Variants in PPP2R2B observed in about 807,000 individuals in gnomAD.
The protein encoded by PPP2R2B is protein phosphatase 2 regulatory subunit Bbeta.
A neutral mutation model predicts 46.0 loss-of-function variants in PPP2R2B; 5 were observed. The ratio of observed to expected loss-of-function variants is 0.11; its 90% CI spans 0.06 to 0.23. PPP2R2B has a LOEUF of 0.23. PPP2R2B is among the 10% of genes least tolerant of loss of function. PPP2R2B has a pLI of 1.00. For synonymous variants in PPP2R2B, 215 were observed against 206.7 expected, an observed-to-expected ratio of 1.04 and a Z score of -0.34; for missense variants, 367 against 575.0, an observed-to-expected ratio of 0.64 and a Z score of 3.70.
chr5:146,953,444 A>T (rs867043451), intron 1 of PPP2R2B, among the ~76,000 whole-genome samples: 1 of 152,168 alleles, frequency 6.6e-6, no homozygotes, highest in East Asian at 1.9e-4. Flanking sequence ...GCCATATATT[A>T]CTATAGAACA....
At chr5:147,053,640 G>A (rs1454620803) in intron 1 of PPP2R2B, among the ~76,000 whole-genome samples, 1 of 151,880 alleles carries the variant, frequency 6.6e-6, no homozygotes, top group African/African-American at 2.4e-5. Flanking sequence ...AGTTTCTGGT[G>A]GCAAAGTGAT....
chr5:146,909,382 C>T (rs961685463), intron 1 of PPP2R2B, among the ~76,000 whole-genome samples: 1 of 152,126 alleles, frequency 6.6e-6, no homozygotes, highest in African/African-American at 2.4e-5. Context: ...ACAATGTGAC[C>T]CTTTTCTTGT....
chr5:146,933,167 G>C (rs1238207674), intron 1 of PPP2R2B, among the ~76,000 whole-genome samples: 1 of 152,138 alleles, frequency 6.6e-6, no homozygotes, highest in Non-Finnish European at 1.5e-5. Context: ...GAGATTTCAA[G>C]TAACAGGGAT....
At chr5:146,890,589 G>C (rs989886301) in intron 1 of PPP2R2B, among the ~76,000 whole-genome samples, 1 of 152,204 alleles carries the variant, frequency 6.6e-6, no homozygotes, top group African/African-American at 2.4e-5. Context: ...ACAGAAGCCA[G>C]AATTCAAGAG....
intron 2 of PPP2R2B, among the ~76,000 whole-genome samples, chr5:146,770,854 G>A (rs12110022): frequency 0.06 from 9,102 of 152,172 alleles, 421 homozygotes; most frequent in African/African-American, 0.13. Context: ...CAGTTGCAGA[G>A]GGGATTTGCA....
Position 147,014,898 on chromosome 5 carries a change from T to A in PPP2R2B, c.79+40767A>T, listed in dbSNP as rs191880925. On this transcript the variant is annotated intron_variant, in intron 1 of 8. Coordinates refer to the PPP2R2B transcript ENST00000336640. ...TTAAAAGTATAATAAAAAATAAAAA[T>A]TAAAAAATAAAAAAAAATGAATTTC... Among the ~76,000 whole-genome samples, 80 of 151,612 alleles carry A rather than the reference T, an allele frequency of 5.3e-4. No individual in the cohort carries two copies. In the East Asian group the frequency reaches 0.013, roughly 25 times the overall value.
chr5:147,008,290 A>G (rs985513601), intron 1 of PPP2R2B, among the ~76,000 whole-genome samples: 9 of 152,188 alleles, frequency 5.9e-5, no homozygotes, highest in Admixed American at 1.3e-4. Context: ...TTAGAAAGCC[A>G]TGTGAGATGA....
chr5:146,625,442 C>T (rs1166008492), intron 7 of PPP2R2B, among the ~76,000 whole-genome samples: 3 of 152,224 alleles, frequency 2.0e-5, no homozygotes, highest in East Asian at 3.9e-4. Context: ...GATTGAATGA[C>T]TATAGTTGTT....
intron 1 of PPP2R2B, among the ~76,000 whole-genome samples, chr5:146,932,518 G>A (rs1050372505): frequency 6.6e-6 from 1 of 152,262 alleles, no homozygotes; most frequent in African/African-American, 2.4e-5. Context: ...CTGCTGCCAC[G>A]TAAGACAGGC....
intron 1 of PPP2R2B, among the ~76,000 whole-genome samples, chr5:146,957,411 A>G (rs1751961743): frequency 1.3e-5 from 2 of 152,204 alleles, no homozygotes; most frequent in Admixed American, 6.5e-5. Flanking sequence ...AGAAGTGTGT[A>G]CCATGCATAG....
At chr5:146,669,878 T>G (rs1777235590) in intron 5 of PPP2R2B, among the ~76,000 whole-genome samples, 1 of 152,206 alleles carries the variant, frequency 6.6e-6, no homozygotes. Context: ...TGGCATTTTT[T>G]TCTGGTGACG....
At chr5:146,725,070 C>T (rs1364430905) in intron 2 of PPP2R2B, among the ~76,000 whole-genome samples, 3 of 152,056 alleles carry the variant, frequency 2.0e-5, no homozygotes, top group African/African-American at 7.2e-5. Flanking sequence ...ATAGAAATTC[C>T]TCAGCAGCAT....
At chr5:146,948,593 ATAACT>A (rs1269698622) in intron 1 of PPP2R2B, among the ~76,000 whole-genome samples, 6 of 152,202 alleles carry the variant, frequency 3.9e-5, no homozygotes, top group Middle Eastern at 3.4e-3. Flanking sequence ...AAAAAAAGAA[ATAACT>A]TAATCTTTAT....
At chr5:146,725,725 A>C (rs968716082) in intron 2 of PPP2R2B, among the ~76,000 whole-genome samples, 12 of 152,148 alleles carry the variant, frequency 7.9e-5, no homozygotes, top group African/African-American at 2.9e-4. Flanking sequence ...GCCTTCTTTC[A>C]CTTGTTAAAA....
chr5:146,863,175 C>T (rs1250989945), intron 2 of PPP2R2B, among the ~76,000 whole-genome samples: 3 of 152,064 alleles, frequency 2.0e-5, no homozygotes, highest in Non-Finnish European at 2.9e-5. Flanking sequence ...CCAAAACTTT[C>T]CCTCTATATC....
At chr5:146,732,090 T>C (rs1372843121) in intron 2 of PPP2R2B, among the ~76,000 whole-genome samples, 2 of 152,142 alleles carry the variant, frequency 1.3e-5, no homozygotes, top group East Asian at 1.9e-4. Flanking sequence ...CCTGGAAAAG[T>C]CCTTGATGCT....
intron 2 of PPP2R2B, among the ~76,000 whole-genome samples, chr5:146,846,960 A>T (rs148343990): frequency 1.1e-4 from 16 of 152,366 alleles, no homozygotes; most frequent in African/African-American, 3.8e-4. Flanking sequence ...TCTCATGCAG[A>T]TCTTAGAACA....
At chr5:146,772,451 G>C (rs1050224032) in intron 2 of PPP2R2B, among the ~76,000 whole-genome samples, 2 of 146,810 alleles carry the variant, frequency 1.4e-5, no homozygotes, top group African/African-American at 5.1e-5. Context: ...TAAATACAGA[G>C]AGAAGATCCA....
At chr5:147,014,345 A>G (rs1754891234) in intron 1 of PPP2R2B, among the ~76,000 whole-genome samples, 1 of 149,762 alleles carries the variant, frequency 6.7e-6, no homozygotes, top group African/African-American at 2.5e-5. Context: ...TCAGGGATCT[A>G]GAACTGGAAA....
Sources: allele counts gnomAD v4.1 joint callset (sites outside exome capture counted in the v4.1 genomes callset), GRCh38; gene constraint gnomAD v4.1.1; transcripts MANE v1.5; gene names NCBI Gene and HGNC (gene_info 2026-07-23, HGNC 2026-07-21).